The following EXOC4 variants were observed in gnomAD, a reference collection of about 807,000 sequenced individuals.
EXOC4 encodes the protein exocyst complex component 4.
EXOC4 carries 71 observed loss-of-function variants against 107.2 expected under a neutral mutation model. The ratio of observed to expected loss-of-function variants is 0.66; its 90% confidence interval spans 0.55 to 0.81. EXOC4 has a LOEUF of 0.81. Ranked by LOEUF, EXOC4 falls within the 30% of genes least tolerant of loss-of-function variation. The pLI, the probability that EXOC4 is intolerant of heterozygous loss-of-function variation, is 0.00. For synonymous variants in EXOC4, 456 were observed against 441.2 expected (o/e 1.03, Z -0.42); for missense variants, 1,108 against 1,189.6 (o/e 0.93, Z 1.01).
intron 9 of EXOC4, among the ~76,000 whole-genome samples, chr7:133,485,896 A>G (rs2150868476): frequency 6.6e-6 from 1 of 152,304 alleles, no homozygotes; most frequent in East Asian, 1.9e-4. Flanking sequence ...TGAATGAGTA[A>G]GAGTATATTA....
intron 11 of EXOC4, among the ~76,000 whole-genome samples, chr7:133,878,831 C>T (rs1303576111): frequency 8.5e-5 from 13 of 152,140 alleles, no homozygotes. Flanking sequence ...TCAAGTGATT[C>T]TCCTGCGTCA....
At chr7:133,389,229 A>G (rs1443388268) in intron 7 of EXOC4, among the ~76,000 whole-genome samples, 3 of 152,036 alleles carry the variant, frequency 2.0e-5, no homozygotes, top group African/African-American at 7.2e-5. Context: ...GAGATGAGAG[A>G]GATTTTGAAA....
intron 9 of EXOC4, among the ~76,000 whole-genome samples, chr7:133,606,210 C>T (rs556676739): frequency 3.7e-4 from 56 of 152,204 alleles, no homozygotes; most frequent in African/African-American, 1.3e-3. Flanking sequence ...TCTGGCCTCA[C>T]CTTTACAGTC....
At chr7:133,918,559 T>G (rs1006456943) in intron 13 of EXOC4, among the ~76,000 whole-genome samples, 1 of 152,256 alleles carries the variant, frequency 6.6e-6, no homozygotes, top group African/African-American at 2.4e-5. Flanking sequence ...CATTGTATTA[T>G]CCGTGATTGT....
At chr7:133,671,331 A>C (rs1431794104) in intron 10 of EXOC4, among the ~76,000 whole-genome samples, 1 of 152,132 alleles carries the variant, frequency 6.6e-6, no homozygotes, top group Non-Finnish European at 1.5e-5. Context: ...TGAGAGGCCG[A>C]GGCAGGTGGA....
chr7:133,338,961 A>G (rs960255912), intron 5 of EXOC4, among the ~76,000 whole-genome samples: 2 of 152,056 alleles, frequency 1.3e-5, no homozygotes, highest in African/African-American at 4.8e-5. Flanking sequence ...CATGTTGGTC[A>G]GGCTGGTCTC....
intron 9 of EXOC4, among the ~76,000 whole-genome samples, chr7:133,528,833 TTTC>T (rs1800127789): frequency 6.6e-6 from 1 of 152,182 alleles, no homozygotes; most frequent in Admixed American, 6.5e-5. Context: ...CAAGGGTTTT[TTTC>T]TTCTTCTTAA....
intron 14 of EXOC4, among the ~76,000 whole-genome samples, chr7:133,960,768 G>T (rs898887786): frequency 2.0e-5 from 3 of 152,162 alleles, no homozygotes; most frequent in Middle Eastern, 3.2e-3. Context: ...CAGGGATATT[G>T]CTGTACGATT....
At chr7:134,049,866 A>T (rs1048548513) in intron 17 of EXOC4, among the ~76,000 whole-genome samples, 10 of 152,228 alleles carry the variant, frequency 6.6e-5, no homozygotes, top group African/African-American at 1.9e-4. Context: ...AGTGAGGATG[A>T]TACAAAGAGT....
intron 7 of EXOC4, among the ~76,000 whole-genome samples, chr7:133,382,417 A>C (rs1035238558): frequency 5.3e-5 from 8 of 152,092 alleles, no homozygotes; most frequent in African/African-American, 1.9e-4. Flanking sequence ...ATACATGAAC[A>C]CCAGAGACCC....
the EXOC4 span, among the ~76,000 whole-genome samples, chr7:134,098,865 G>A: frequency 6.6e-6 from 1 of 152,198 alleles, no homozygotes; most frequent in Non-Finnish European, 1.5e-5. Context: ...TGACTCAGAT[G>A]CAAAGCCAGT....
At chr7:133,797,065 A>G (rs1175264380) in intron 10 of EXOC4, among the ~76,000 whole-genome samples, 1 of 152,242 alleles carries the variant, frequency 6.6e-6, no homozygotes. Context: ...CTGGGAATGC[A>G]GAAACCACCA....
At chr7:133,735,062 A>G (rs1330491547) in intron 10 of EXOC4, among the ~76,000 whole-genome samples, 1 of 148,742 alleles carries the variant, frequency 6.7e-6, no homozygotes, top group Non-Finnish European at 1.5e-5. Flanking sequence ...AAAAAAAAAA[A>G]AAAAAATACA....
intron 11 of EXOC4, among the ~76,000 whole-genome samples, chr7:133,828,159 C>A (rs773733241): frequency 1.3e-5 from 2 of 152,204 alleles, no homozygotes; most frequent in Non-Finnish European, 2.9e-5. Flanking sequence ...CTGACAGGAA[C>A]TGAAATACAT....
chr7:133,262,359 G>T (rs1795173558), intron 1 of EXOC4, among the ~76,000 whole-genome samples: 1 of 151,590 alleles, frequency 6.6e-6, no homozygotes, highest in African/African-American at 2.4e-5. Flanking sequence ...TCCTTATAGT[G>T]GCCAGTTTTT....
chr7:133,844,700 G>A lies in EXOC4; in HGVS notation c.1734+27156G>A, dbSNP rs377160747. ...TCTATTCTTACCAGCTTGACAAATGGAGTACCTACTGCTCATTGTTCTTCT... is the reference window on the plus strand; with the variant it reads ...TCTATTCTTACCAGCTTGACAAATGAAGTACCTACTGCTCATTGTTCTTCT... On this transcript the variant is annotated intron_variant, in intron 11 of 17. Transcript: ENST00000253861. Among the ~76,000 whole-genome samples the A allele has an allele frequency of 2.3e-4, 35 of 152,088 alleles. No homozygotes were observed. In the East Asian group the frequency reaches 5.0e-3, roughly 22 times the overall value.
intron 1 of EXOC4, among the ~76,000 whole-genome samples, chr7:133,256,877 T>C: frequency 6.6e-6 from 1 of 152,210 alleles, no homozygotes; most frequent in Non-Finnish European, 1.5e-5. Flanking sequence ...TTGTACTAAA[T>C]AGTTAAATAA....
At chr7:133,973,721 T>G (rs1793756178) in intron 14 of EXOC4, among the ~76,000 whole-genome samples, 1 of 152,216 alleles carries the variant, frequency 6.6e-6, no homozygotes, top group South Asian at 2.1e-4. Flanking sequence ...TAAGAGATTA[T>G]TTAGAAACCT....
intron 10 of EXOC4, among the ~76,000 whole-genome samples, chr7:133,695,440 A>G (rs996565911): frequency 1.2e-4 from 18 of 152,148 alleles, no homozygotes; most frequent in Non-Finnish European, 2.2e-4. Flanking sequence ...ATATGAACAT[A>G]TAGGTATCTT....
Sources: gnomAD v4.1 joint callset for allele counts (sites outside exome capture counted in the v4.1 genomes callset) on GRCh38, gnomAD v4.1.1 for gene constraint, MANE v1.5 for transcripts, NCBI Gene and HGNC (gene_info 2026-07-23, HGNC 2026-07-21) for gene names.